DLGAP2: variants seen among roughly 807,000 people sequenced by gnomAD.
DLGAP2 encodes disks large-associated protein 2.
In DLGAP2, 26 loss-of-function variants were observed where a neutral mutation model predicts 100.3. The observed-to-expected ratio is 0.26, with a 90% confidence interval of 0.19 to 0.36. The LOEUF (loss-of-function observed/expected upper bound fraction) is 0.36. Among genes scored for constraint, DLGAP2 ranks in the 10% least tolerant of loss-of-function variants. DLGAP2 has a pLI of 1.00. For synonymous variants in DLGAP2, 886 were observed against 630.1 expected, an observed-to-expected ratio of 1.41 and a Z score of -6.08; for missense variants, 1,858 against 1,453.2, an observed-to-expected ratio of 1.28 and a Z score of -4.53.
chr8:818,162 T>C (rs1796520295), intron 1 of DLGAP2, among the ~76,000 whole-genome samples: 1 of 151,932 alleles, frequency 6.6e-6, no homozygotes. Context: ...TCTCCTTGGG[T>C]GGGGCTGGCT....
At chr8:1,490,011 C>A (rs1001905562) in intron 3 of DLGAP2, among the ~76,000 whole-genome samples, 3 of 152,132 alleles carry the variant, frequency 2.0e-5, no homozygotes, top group African/African-American at 7.2e-5. Context: ...CCTGCCTCAG[C>A]CTCCCGAGTA....
In DLGAP2 at chr8:1,548,620, C is replaced by T; in HGVS notation, c.173-6C>T. The T allele has an allele frequency of 6.7e-7, 1 of 1,498,764 alleles. No homozygotes were observed. The highest frequency in any genetic ancestry group is 8.9e-7 in the Non-Finnish European group (1 of 1,125,780). 92.8% of individuals were successfully genotyped at this position (1,498,764 alleles called of 1,614,324 possible). ...GGTGTTCAATGCCGTTTCTGTTTCC[C>T]CACAGACCCGCAGTACTCATGGTCG... On this transcript the variant is annotated splice_polypyrimidine_tract_variant and splice_region_variant and intron_variant, in intron 4 of 14. Transcript: ENST00000637795.
intron 3 of DLGAP2, among the ~76,000 whole-genome samples, chr8:1,445,787 T>A (rs1258239164): frequency 6.6e-6 from 1 of 152,184 alleles, no homozygotes; most frequent in East Asian, 1.9e-4. Context: ...CCATTCTAAC[T>A]GGTGTGAGAT....
intron 1 of DLGAP2, among the ~76,000 whole-genome samples, chr8:783,761 G>A (rs1036061930): frequency 3.3e-5 from 5 of 152,114 alleles, no homozygotes; most frequent in Non-Finnish European, 5.9e-5. Flanking sequence ...CACCACATCC[G>A]GAATCTTGCA....
intron 1 of DLGAP2, among the ~76,000 whole-genome samples, chr8:773,286 A>G (rs912261479): frequency 1.3e-4 from 20 of 149,974 alleles, no homozygotes; most frequent in Non-Finnish European, 2.2e-4. Flanking sequence ...CTATTGGATC[A>G]GGGCCCCATC....
At chr8:1,164,524 C>T (rs550332096) in intron 2 of DLGAP2, among the ~76,000 whole-genome samples, 1 of 152,262 alleles carries the variant, frequency 6.6e-6, no homozygotes, top group East Asian at 1.9e-4. Flanking sequence ...CGTGTGGGAA[C>T]TTTCCTCCCT....
At chr8:1,441,683 C>CAA (rs35789497) in intron 3 of DLGAP2, among the ~76,000 whole-genome samples, 11 of 74,588 alleles carry the variant, frequency 1.5e-4, no homozygotes, top group South Asian at 8.1e-4. Flanking sequence ...GACTCCATCT[C>CAA]AAAAAAAAAA....
chr8:1,291,277 C>G (rs1800052527), intron 3 of DLGAP2, among the ~76,000 whole-genome samples: 1 of 152,108 alleles, frequency 6.6e-6, no homozygotes, highest in Non-Finnish European at 1.5e-5. Flanking sequence ...CAAGAGAACT[C>G]TGCTAACATG....
intron 3 of DLGAP2, among the ~76,000 whole-genome samples, chr8:1,490,607 A>G (rs1799351018): frequency 6.6e-6 from 1 of 152,130 alleles, no homozygotes; most frequent in South Asian, 2.1e-4. Context: ...CTCAGTAGGT[A>G]AAGGTGAAAT....
chr8:1,693,175 T>A (rs34364599), intron 13 of DLGAP2, among the ~76,000 whole-genome samples: 25,006 of 147,860 alleles, frequency 0.17, 2,379 homozygotes, highest in East Asian at 0.24. Context: ...ATATTTTATA[T>A]ATACAAATAT....
intron 2 of DLGAP2, among the ~76,000 whole-genome samples, chr8:943,620 G>A (rs1043607114): frequency 4.0e-5 from 6 of 151,854 alleles, no homozygotes; most frequent in Non-Finnish European, 7.4e-5. Context: ...GGAGGAGCTG[G>A]CATGTGGACG....
chr8:1,033,018 A>T (rs889049278), intron 2 of DLGAP2: 1 of 152,264 alleles, frequency 6.6e-6, no homozygotes, highest in African/African-American at 2.4e-5. Flanking sequence ...TGGGTTTAAA[A>T]GGTGGGACAG....
intron 2 of DLGAP2, among the ~76,000 whole-genome samples, chr8:1,056,322 C>T (rs377283603): frequency 2.6e-5 from 4 of 152,230 alleles, no homozygotes; most frequent in East Asian, 3.9e-4. Context: ...ATAACTGTTC[C>T]GTGCATGTGG....
chr8:1,512,270 A>G (rs558044574), intron 4 of DLGAP2, among the ~76,000 whole-genome samples: 5 of 152,362 alleles, frequency 3.3e-5, no homozygotes, highest in Non-Finnish European at 7.4e-5. Context: ...CAAATGTCCC[A>G]TAAACTTAAA....
chr8:1,652,703 A>T (rs904306131), intron 8 of DLGAP2, among the ~76,000 whole-genome samples: 8 of 152,180 alleles, frequency 5.3e-5, no homozygotes, highest in African/African-American at 1.9e-4. Context: ...TTCATTCCTT[A>T]TGGAATTTGC....
chr8:1,511,669 C>CTAGTGTAGGACAATCAA (rs1252661237), intron 4 of DLGAP2, among the ~76,000 whole-genome samples: 1 of 151,428 alleles, frequency 6.6e-6, no homozygotes, highest in Non-Finnish European at 1.5e-5. Context: ...TAAGGGCTGT[C>CTAGTGTAGGACAATCAA]TAGTGTAGGA....
At position 894,739 on chromosome 8, in the gene DLGAP2, G is replaced by C. The variant is rs1273225571; in HGVS notation, c.19-13173G>C. ...GCAGAGTGGTGGCTGGCAGGGCAGG[G>C]TGGGGAGAGCGGAGTGGTGACTGGC... On this transcript the variant is annotated intron_variant, in intron 1 of 14. Coordinates refer to ENST00000637795, the MANE Select transcript of DLGAP2 (RefSeq NM_001346810.2). Among the ~76,000 whole-genome samples, 40 of 134,488 alleles carry C rather than the reference G, an allele frequency of 3.0e-4. 1 individual carries two copies. Among genetic ancestry groups the C allele is most frequent in the African/African-American group, 1.2e-3 (40 of 34,228 alleles). The allele number at this position is 134,488 out of a possible 152,430, so 88.2% of individuals were successfully genotyped here. A position where few individuals can be genotyped will look rare whatever the true frequency, so the allele number is the denominator to read the frequency against.
intron 3 of DLGAP2, among the ~76,000 whole-genome samples, chr8:1,333,463 G>A (rs1801203413): frequency 6.6e-6 from 1 of 152,144 alleles, no homozygotes; most frequent in African/African-American, 2.4e-5. Flanking sequence ...CCCGTCATCA[G>A]ATTGTCTAAA....
At chr8:1,579,804 A>T (rs1277550053) in intron 6 of DLGAP2, among the ~76,000 whole-genome samples, 1 of 152,236 alleles carries the variant, frequency 6.6e-6, no homozygotes, top group Non-Finnish European at 1.5e-5. Flanking sequence ...GTGACACGGT[A>T]CATTGCCTAA....
Sources: gnomAD v4.1 joint callset for allele counts (sites outside exome capture counted in the v4.1 genomes callset) on GRCh38, gnomAD v4.1.1 for gene constraint, MANE v1.5 for transcripts, NCBI Gene and HGNC (gene_info 2026-07-23, HGNC 2026-07-21) for gene names.